The following PHLDB2 variants were observed in gnomAD, a reference collection of about 807,000 sequenced individuals.
PHLDB2 encodes pleckstrin homology like domain family B member 2.
A neutral mutation model predicts 123.6 loss-of-function variants in PHLDB2; 71 were observed. The ratio of observed to expected loss-of-function variants is 0.57; its 90% CI spans 0.47 to 0.70. The LOEUF (loss-of-function observed/expected upper bound fraction) is 0.70, where lower values mean the gene tolerates loss of function less well. Among genes scored for constraint, PHLDB2 ranks in the 30% least tolerant of loss-of-function variants. The pLI is 0.00. For synonymous variants in PHLDB2, 547 were observed against 541.6 expected (o/e 1.01, Z -0.14); for missense variants, 1,446 against 1,519.5 (o/e 0.95, Z 0.80).
chr3:111,866,013 C>CTTTTTTTTTTTTTTTTTTTTTTTTT (rs1239058039), intron 1 of PHLDB2, among the ~76,000 whole-genome samples: 1 of 47,672 alleles, frequency 2.1e-5, no homozygotes, highest in Admixed American at 3.2e-4. Context: ...CCCACCCACT[C>CTTTTTTTTTTTTTTTTTTTTTTTTT]ATTTTTTTTT....
chr3:111,762,724 C>T (rs1457938809), intron 1 of PHLDB2, among the ~76,000 whole-genome samples: 1 of 152,174 alleles, frequency 6.6e-6, no homozygotes, highest in Admixed American at 6.5e-5. Flanking sequence ...ATTTCTGTAA[C>T]ACAATACCCA....
intron 1 of PHLDB2, among the ~76,000 whole-genome samples, chr3:111,826,462 T>A (rs1465076478): frequency 6.6e-6 from 1 of 152,186 alleles, no homozygotes; most frequent in African/African-American, 2.4e-5. Context: ...ACCCACATAC[T>A]CTTTACATCT....
At chr3:111,899,491 T>C (rs1480474348) in intron 2 of PHLDB2, among the ~76,000 whole-genome samples, 1 of 152,142 alleles carries the variant, frequency 6.6e-6, no homozygotes, top group African/African-American at 2.4e-5. Flanking sequence ...ATCTGAACAG[T>C]GGGCTTAAAA....
In PHLDB2 at chr3:111,776,435, A is replaced by C. The variant is rs528923950; in HGVS notation, c.-49+43732A>C. ...TTTATGGGATTTGATATCTATTTTA[A>C]ATCAAATATTAATTTACTAACTGAG... On this transcript the variant is annotated intron_variant, in intron 1 of 17. Transcript: ENST00000393923. Among the ~76,000 whole-genome samples, 7 of 152,220 alleles carry C rather than the reference A, an allele frequency of 4.6e-5. No individual in the cohort carries two copies. In the South Asian group the frequency reaches 1.5e-3, roughly 32 times the overall value.
intron 1 of PHLDB2, among the ~76,000 whole-genome samples, chr3:111,734,818 G>T (rs1284020329): frequency 6.6e-6 from 1 of 152,184 alleles, no homozygotes; most frequent in African/African-American, 2.4e-5. Context: ...AAATTGGAGG[G>T]TCACTGAGGT....
intron 1 of PHLDB2, among the ~76,000 whole-genome samples, chr3:111,822,295 A>G (rs7427827): frequency 0.065 from 9,316 of 144,088 alleles, 365 homozygotes; most frequent in South Asian, 0.16. Flanking sequence ...ATCTTTATGT[A>G]TGTGTGTGTG....
chr3:111,906,089 A>G lies in PHLDB2; in HGVS notation c.1336-7230A>G, dbSNP rs532489328. 5.3e-5 allele frequency among the ~76,000 whole-genome samples: 8 copies of G among 152,348 alleles called. 1 individual carries two copies. In the East Asian group the frequency reaches 5.8e-4, roughly 11 times the overall value. The stretch of plus-strand genomic sequence containing the variant: ...CACAAGTACTTACCATGGTGTTACA[A>G]TTGCCTACAACGTTCAGTGCAGTAA... On this transcript the variant is annotated intron_variant, in intron 2 of 17. Transcript: ENST00000431670.
intron 1 of PHLDB2, among the ~76,000 whole-genome samples, chr3:111,776,319 A>T (rs539452588): frequency 1.2e-4 from 19 of 152,252 alleles, no homozygotes; most frequent in Non-Finnish European, 1.9e-4. Context: ...AGAAAAGCAA[A>T]ATCTCTTTCT....
chr3:111,914,397 A>T (rs1351145520), intron 3 of PHLDB2: 1 of 152,160 alleles, frequency 6.6e-6, no homozygotes, highest in Non-Finnish European at 1.5e-5. Context: ...TATTAAAAAA[A>T]GAGTCTATAT....
At chr3:111,891,409 C>T (rs559325357) in intron 2 of PHLDB2, among the ~76,000 whole-genome samples, 56 of 152,052 alleles carry the variant, frequency 3.7e-4, no homozygotes, top group African/African-American at 1.4e-3. Flanking sequence ...GTGAACTGCT[C>T]ATGTGAGGAA....
At chr3:111,898,182 T>G (rs112469224) in intron 2 of PHLDB2, among the ~76,000 whole-genome samples, 9,444 of 142,440 alleles carry the variant, frequency 0.066, 579 homozygotes, top group African/African-American at 0.16. Context: ...GTGTGTGTGT[T>G]TGTGTGTGTG....
chr3:111,736,742 G>T (rs2059514779), intron 1 of PHLDB2, among the ~76,000 whole-genome samples: 1 of 152,090 alleles, frequency 6.6e-6, no homozygotes, highest in Non-Finnish European at 1.5e-5. Context: ...AGGTCAGTGT[G>T]GTAATGCTGT....
intron 1 of PHLDB2, among the ~76,000 whole-genome samples, chr3:111,811,597 C>CT (rs1432969243): frequency 6.6e-6 from 1 of 152,136 alleles, no homozygotes; most frequent in Admixed American, 6.5e-5. Context: ...TAATTATTTA[C>CT]TGGCACCCTA....
intron 1 of PHLDB2, among the ~76,000 whole-genome samples, chr3:111,775,040 G>A (rs895698125): frequency 6.6e-6 from 1 of 152,156 alleles, no homozygotes; most frequent in Non-Finnish European, 1.5e-5. Context: ...AAATATGAGA[G>A]TCTTATAAGA....
upstream of PHLDB2, among the ~76,000 whole-genome samples, chr3:111,857,465 G>GAAAAT (rs2064567080): frequency 1.3e-5 from 1 of 79,296 alleles, no homozygotes; most frequent in Non-Finnish European, 3.0e-5. Context: ...AAAAAAAAAA[G>GAAAAT]AAAAGAAAAG....
In PHLDB2 at chr3:111,884,337, A is replaced by C. The variant is rs1032623405; in HGVS notation, c.260A>C (p.Lys87Thr). Residue 87 changes from lysine to threonine, a missense_variant, in exon 2 of 18, where the codon AAA (lysine) becomes ACA (threonine). Lys to Thr is a moderately conservative substitution (Grantham distance 78, BLOSUM62 -1). This residue lies in a region of PHLDB2 where 832 missense variants were observed against 831.9 expected (regional missense o/e 1.00). Coordinates refer to ENST00000431670, the MANE Select transcript of PHLDB2 (RefSeq NM_001134438.2). Reference sequence around the variant, plus strand: ...GTCAGAAGCAGCCCCTCCTTAGCCAAAATCCAGGGAAGCAAGCAGTTCTCT... The same window carrying C: ...GTCAGAAGCAGCCCCTCCTTAGCCACAATCCAGGGAAGCAAGCAGTTCTCT... ...TSVRSSPSLA[K>T]IQGSKQFSYD... 6.2e-7 allele frequency: 1 copy of C among 1,614,180 alleles called. No homozygotes were observed. Among genetic ancestry groups the C allele is most frequent in the Admixed American group, 1.7e-5 (1 of 60,020 alleles).
intron 1 of PHLDB2, among the ~76,000 whole-genome samples, chr3:111,793,923 T>G (rs935997857): frequency 6.6e-6 from 1 of 151,042 alleles, no homozygotes; most frequent in Non-Finnish European, 1.5e-5. Flanking sequence ...TCCCCTATCC[T>G]TCCTCAAGCA....
In PHLDB2 at chr3:111,884,655, T is replaced by A; in HGVS notation, c.578T>A (p.Ile193Asn). The A allele has an allele frequency of 6.2e-7, 1 of 1,614,048 alleles. No individual in the cohort carries two copies. Among genetic ancestry groups the A allele is most frequent in the South Asian group, 1.1e-5 (1 of 91,076 alleles). Residue 193 changes from isoleucine to asparagine, a missense_variant, in exon 2 of 18, where the codon ATC (isoleucine) becomes AAC (asparagine). Coordinates refer to ENST00000431670, the MANE Select transcript of PHLDB2 (RefSeq NM_001134438.2). ...SSLSDAGPPP[I>N]SRSGAASMPS... The stretch of plus-strand genomic sequence containing the variant: ...CTGAGTGATGCTGGCCCGCCTCCTA[T>A]CAGCAGATCGGGAGCCGCAAGCATG...
Position 111,960,226 on chromosome 3 carries a change from C to T in PHLDB2, c.2873-1882C>T, listed in dbSNP as rs1340114979. The stretch of plus-strand genomic sequence containing the variant: ...TTATTTCGCCTTCCTTAAAAAAAGA[C>T]GCAGCTTCACGCATGTGACTATACC... On this transcript the variant is annotated intron_variant, in intron 12 of 17. Transcript: ENST00000431670. 18 of 577,740 alleles carry T rather than the reference C, an allele frequency of 3.1e-5. No individual in the cohort carries two copies. The Admixed American group carries it at 5.1e-4, about 16-fold the overall frequency. The allele number at this position is 577,740 out of a possible 1,614,324, so 35.8% of individuals were successfully genotyped here. A position where few individuals can be genotyped will look rare whatever the true frequency, so the allele number is the denominator to read the frequency against.
Sources: gnomAD v4.1 joint callset for allele counts (sites outside exome capture counted in the v4.1 genomes callset) on GRCh38, gnomAD v4.1.1 for gene constraint, gnomAD v4.1.1 regional missense constraint, MANE v1.5 for transcripts, NCBI Gene and HGNC (gene_info 2026-07-23, HGNC 2026-07-21) for gene names.